ZDHHC15: variants seen among roughly 807,000 people sequenced by gnomAD.
ZDHHC15 encodes palmitoyltransferase ZDHHC15.
Under a neutral mutation model 31.7 loss-of-function variants are expected in ZDHHC15, and 19 were observed. The ratio of observed to expected loss-of-function variants is 0.60; its 90% CI spans 0.42 to 0.88. The LOEUF is 0.88. Ranked by LOEUF, ZDHHC15 falls within the 40% of genes least tolerant of loss-of-function variation. The pLI, the probability that ZDHHC15 is intolerant of heterozygous loss-of-function variation, is 0.00. For synonymous variants in ZDHHC15, 103 were observed against 90.0 expected, an observed-to-expected ratio of 1.14 and a Z score of -0.82; for missense variants, 209 against 251.2, an observed-to-expected ratio of 0.83 and a Z score of 1.14.
At chrX:75,449,199 TATACACACACACAC>T (rs774388164) in intron 4 of ZDHHC15, among the ~76,000 whole-genome samples, 103 of 8,466 alleles carry the variant, frequency 0.012, no homozygotes, top group Non-Finnish European at 0.11. Context: ...TCTCTCTCTC[TATACACACACACAC>T]ACACACACAC....
chrX:75,450,768 A>G (rs752080292), intron 4 of ZDHHC15, 34 bp downstream of exon 4: 52 of 1,210,269 alleles, frequency 4.3e-5, no homozygotes, highest in Non-Finnish European at 5.5e-5. Context: ...ATACTTGCTG[A>G]GCTGCCTCTC....
intron 2 of ZDHHC15, among the ~76,000 whole-genome samples, chrX:75,497,714 A>G (rs997242523): frequency 4.5e-5 from 5 of 111,566 alleles, no homozygotes; most frequent in Non-Finnish European, 9.4e-5. Context: ...AAATGGAATT[A>G]AAAACAATAA....
chrX:75,428,656 G>C (rs1336269105), intron 7 of ZDHHC15, among the ~76,000 whole-genome samples: 1 of 111,895 alleles, frequency 8.9e-6, no homozygotes, highest in Non-Finnish European at 1.9e-5. Context: ...CCTTTGAATA[G>C]GGAATTAGGA....
chrX:75,468,371 G>A (rs772473865), intron 3 of ZDHHC15, among the ~76,000 whole-genome samples: 1 of 111,932 alleles, frequency 8.9e-6, no homozygotes, highest in East Asian at 2.8e-4. Context: ...AGGTTCATCC[G>A]TGTTGTACCA....
intron 8 of ZDHHC15, 114 bp downstream of exon 8, chrX:75,424,538 G>A (rs1437594633): frequency 2.5e-6 from 2 of 786,899 alleles, no homozygotes; most frequent in African/African-American, 4.4e-5. Context: ...TCTGGGGGTA[G>A]AGGGATGTCA....
chrX:75,488,476 A>T (rs1423452856), intron 2 of ZDHHC15, among the ~76,000 whole-genome samples: 2 of 112,474 alleles, frequency 1.8e-5, no homozygotes, highest in Non-Finnish European at 3.8e-5. Context: ...ATGCTGAGAG[A>T]ATTTGCCATT....
chrX:75,507,275 C>T (rs2085182844), intron 1 of ZDHHC15, among the ~76,000 whole-genome samples: 1 of 111,223 alleles, frequency 9.0e-6, no homozygotes, highest in Admixed American at 9.6e-5. Flanking sequence ...TTGTAGAGGA[C>T]ATTCAGACAT....
At chrX:75,500,431 ATCAC>A (rs1168354363) in intron 2 of ZDHHC15, among the ~76,000 whole-genome samples, 5 of 110,144 alleles carry the variant, frequency 4.5e-5, no homozygotes, top group East Asian at 2.8e-4. Flanking sequence ...TATGCACAGT[ATCAC>A]TCAATTAAAA....
chrX:75,440,854 G>T (rs775873044), intron 4 of ZDHHC15, among the ~76,000 whole-genome samples: 27 of 111,649 alleles, frequency 2.4e-4, no homozygotes, highest in Non-Finnish European at 4.9e-4. Flanking sequence ...TGCTATGGTT[G>T]CTGTGGGAAA....
At chrX:75,470,671 G>A (rs1159430028) in intron 3 of ZDHHC15, among the ~76,000 whole-genome samples, 2 of 111,270 alleles carry the variant, frequency 1.8e-5, no homozygotes, top group Non-Finnish European at 3.8e-5. Context: ...AATTAATGGA[G>A]TTTTAGCTCA....
chrX:75,475,066 T>A (rs768150946), intron 3 of ZDHHC15, among the ~76,000 whole-genome samples: 17 of 111,084 alleles, frequency 1.5e-4, no homozygotes, highest in East Asian at 1.4e-3. Flanking sequence ...CTCAAAAAAA[T>A]AAATAAATAA....
intron 10 of ZDHHC15, among the ~76,000 whole-genome samples, chrX:75,390,533 G>A (rs776094682): frequency 9.8e-5 from 11 of 111,767 alleles, no homozygotes; most frequent in South Asian, 3.8e-4. Flanking sequence ...TTGGGGGAAA[G>A]TAAGGGAAGA....
intron 3 of ZDHHC15, among the ~76,000 whole-genome samples, chrX:75,460,613 C>T (rs1316869893): frequency 9.1e-6 from 1 of 110,423 alleles, no homozygotes; most frequent in Non-Finnish European, 1.9e-5. Flanking sequence ...TGTTTCACAG[C>T]CTTCACTGGT....
chrX:75,379,177 G>T lies in ZDHHC15; in HGVS notation c.989C>A (p.Ser330Tyr). 1 of 1,211,470 alleles carries T rather than the reference G, an allele frequency of 8.3e-7. No homozygotes were observed. Among genetic ancestry groups the T allele is most frequent in the African/African-American group, 1.7e-5 (1 of 57,772 alleles). ...CTATGTTTCCGTTTCCACAGCAAGA[G>T]ATGATGAGCCTTCTGGATAATCTGC... Reference protein sequence around the residue: ...DNQDYPEGSSSLAVETET With the variant: ...DNQDYPEGSSYLAVETET Residue 330 changes from serine to tyrosine, a missense_variant, in exon 11 of 12, where the codon TCT (serine) becomes TAT (tyrosine). Coordinates refer to ENST00000373367, the MANE Select transcript of ZDHHC15 (RefSeq NM_144969.3).
At chrX:75,419,299 A>G (rs2083591007) in intron 9 of ZDHHC15, among the ~76,000 whole-genome samples, 1 of 112,085 alleles carries the variant, frequency 8.9e-6, no homozygotes, top group African/African-American at 3.2e-5. Context: ...GGATATGAAC[A>G]GACACTTCTC....
intron 1 of ZDHHC15, 132 bp from the exon 2 acceptor site, chrX:75,505,979 T>G (rs781107360): frequency 1.8e-5 from 10 of 544,867 alleles, no homozygotes; most frequent in Non-Finnish European, 2.4e-5. Context: ...GTAATTTATA[T>G]AATAGTACTT....
intron 3 of ZDHHC15, among the ~76,000 whole-genome samples, chrX:75,477,042 T>G (rs1449496683): frequency 1.8e-5 from 2 of 111,524 alleles, no homozygotes; most frequent in Non-Finnish European, 3.8e-5. Flanking sequence ...GAGCACTGCT[T>G]TATTGCATCC....
chrX:75,398,240 C>G (rs1229487413), intron 10 of ZDHHC15, among the ~76,000 whole-genome samples: 1 of 112,479 alleles, frequency 8.9e-6, no homozygotes, highest in Non-Finnish European at 1.9e-5. Context: ...TTTCAGGTGC[C>G]TTAGCCGTTC....
At chrX:75,390,096 G>A (rs1179344123) in intron 10 of ZDHHC15, among the ~76,000 whole-genome samples, 1 of 112,021 alleles carries the variant, frequency 8.9e-6, no homozygotes, top group East Asian at 2.8e-4. Flanking sequence ...TGGGCCTGGG[G>A]CAGTAGTGGC....
Sources: gnomAD v4.1 joint callset for allele counts (sites outside exome capture counted in the v4.1 genomes callset) on GRCh38, gnomAD v4.1.1 for gene constraint, MANE v1.5 for transcripts, NCBI Gene and HGNC (gene_info 2026-07-23, HGNC 2026-07-21) for gene names.